Variants in ZGRF1 observed in about 807,000 individuals in gnomAD.
The protein encoded by ZGRF1 is 5'-3' DNA helicase ZGRF1.
ZGRF1 carries 196 observed loss-of-function variants against 203.5 expected under a neutral mutation model. The ratio of observed to expected loss-of-function variants is 0.96; its 90% CI spans 0.86 to 1.08. The LOEUF (loss-of-function observed/expected upper bound fraction) is 1.08. ZGRF1 is among the 50% of genes least tolerant of loss of function. The pLI is 0.00. For synonymous variants in ZGRF1, 809 were observed against 841.3 expected (o/e 0.96, Z 0.66); for missense variants, 2,326 against 2,416.3 (o/e 0.96, Z 0.78).
intron 24 of ZGRF1, among the ~76,000 whole-genome samples, chr4:112,546,250 G>C (rs1377245329): frequency 6.6e-6 from 1 of 151,970 alleles, no homozygotes. Context: ...AGAAGCTATA[G>C]GGAAGAGGAA....
intron 22 of ZGRF1, among the ~76,000 whole-genome samples, chr4:112,551,085 CT>C (rs1044276676): frequency 2.2e-4 from 34 of 152,282 alleles, no homozygotes; most frequent in African/African-American, 6.0e-4. Flanking sequence ...CCTTCCCTCC[CT>C]CCCTATACAG....
At chr4:112,600,320 G>A (rs7665050) in intron 10 of ZGRF1, among the ~76,000 whole-genome samples, 3 of 151,954 alleles carry the variant, frequency 2.0e-5, no homozygotes, top group Non-Finnish European at 4.4e-5. Flanking sequence ...AGGTGTGAGT[G>A]ACCTTGTCAT....
chr4:112,620,798 A>G (rs2047037121), intron 4 of ZGRF1, among the ~76,000 whole-genome samples: 1 of 151,506 alleles, frequency 6.6e-6, no homozygotes, highest in Non-Finnish European at 1.5e-5. Context: ...TAGGAGGTCA[A>G]GGCTGCAGTG....
At chr4:112,555,917 C>A (rs1268931564) in intron 20 of ZGRF1, among the ~76,000 whole-genome samples, 1 of 152,136 alleles carries the variant, frequency 6.6e-6, no homozygotes, top group African/African-American at 2.4e-5. Flanking sequence ...TACCCTCCCT[C>A]CTCATTCTAA....
Position 112,618,016 on chromosome 4 carries a change from C to A in ZGRF1, c.2026G>T (p.Ala676Ser). Reference protein sequence around the residue: ...IQEVRINYDFALPPNKSKGIN... With the variant: ...IQEVRINYDFSLPPNKSKGIN... Reference sequence around the variant, plus strand: ...CCTTTAGATTTATTCGGGGGTAAAGCAAAATCATAGTTAATTCTGACTTCT... The same window carrying A: ...CCTTTAGATTTATTCGGGGGTAAAGAAAAATCATAGTTAATTCTGACTTCT... Residue 676 changes from alanine (A) to serine (S), a missense_variant, in exon 6 of 28, where the codon GCT (alanine) becomes TCT (serine). Physicochemically the swap from Ala to Ser is moderately conservative, Grantham distance 99 (BLOSUM62 1). Transcript: ENST00000505019. 1 of 1,612,704 alleles carries A rather than the reference C, an allele frequency of 6.2e-7. No individual in the cohort carries two copies. Among genetic ancestry groups the A allele is most frequent in the Non-Finnish European group, 8.5e-7 (1 of 1,179,630 alleles).
At chr4:112,570,997 G>A (rs376679174) in intron 16 of ZGRF1, among the ~76,000 whole-genome samples, 24 of 152,026 alleles carry the variant, frequency 1.6e-4, no homozygotes, top group African/African-American at 5.8e-4. Context: ...CCAGCTACTC[G>A]GGAAGCTGAG....
Position 112,618,773 on chromosome 4 carries a change from T to C in ZGRF1, c.1269A>G (p.Glu423=), listed in dbSNP as rs1483820218. Residue 423 remains glutamate (E), a synonymous_variant, in exon 6 of 28, where the codon GAA becomes GAG. Coordinates refer to ENST00000505019, the MANE Select transcript of ZGRF1 (RefSeq NM_018392.5). ...CAGATTCTGATAATATACCATCATTTTCTGCACTGCTACAAGTAACCTGTA... is the reference window on the plus strand; with the variant it reads ...CAGATTCTGATAATATACCATCATTCTCTGCACTGCTACAAGTAACCTGTA... ...SSLQVTCSSA[E]NDGILSESDI... The C allele has an allele frequency of 1.2e-6, 2 of 1,611,886 alleles. 1 individual carries two copies. The highest frequency in any genetic ancestry group is 2.2e-5 in the South Asian group (2 of 91,020).
At chr4:112,589,567 T>A (rs1747800400) in intron 11 of ZGRF1, 157 bp downstream of exon 11, 1 of 641,938 alleles carries the variant, frequency 1.6e-6, no homozygotes, top group South Asian at 2.2e-5. Flanking sequence ...TAGCTATCTA[T>A]GATAGAAAAA....
intron 18 of ZGRF1, chr4:112,561,375 A>G (rs1265607327): frequency 5.6e-6 from 1 of 178,898 alleles, no homozygotes; most frequent in East Asian, 1.5e-4. Context: ...CCCATGCTCT[A>G]TTATACAAAC....
At chr4:112,595,738 C>A (rs1184850129) in intron 10 of ZGRF1, among the ~76,000 whole-genome samples, 1 of 152,128 alleles carries the variant, frequency 6.6e-6, no homozygotes, top group African/African-American at 2.4e-5. Flanking sequence ...CTTAACACTA[C>A]TGAACTGGTT....
At position 112,619,057 on chromosome 4, in the gene ZGRF1, T is replaced by C. The variant is rs1458258489; in HGVS notation, c.985A>G (p.Met329Val). Residue 329 changes from methionine to valine, a missense_variant, in exon 6 of 28, where the codon ATG (methionine) becomes GTG (valine). Physicochemically the swap from Met to Val is conservative, Grantham distance 21. Coordinates refer to ENST00000505019, the MANE Select transcript of ZGRF1 (RefSeq NM_018392.5). ...GGTGAACTCTGTGAGGATAAATACA[T>C]GGCCCACCGGCTTTTATTTCTCATG... ...NTMRNKSRWAMYLSSQSSPIH... is the reference protein window; with the variant it reads ...NTMRNKSRWAVYLSSQSSPIH... The C allele has an allele frequency of 5.0e-6, 8 of 1,613,932 alleles. No individual in the cohort carries two copies. Among genetic ancestry groups the C allele is most frequent in the South Asian group, 3.3e-5 (3 of 91,082 alleles).
chr4:112,620,651 G>A (rs180949546), intron 4 of ZGRF1, among the ~76,000 whole-genome samples: 1 of 152,242 alleles, frequency 6.6e-6, no homozygotes, highest in Admixed American at 6.5e-5. Context: ...TTGAAGCCAG[G>A]AGGTCAAGAC....
chr4:112,548,234 A>G lies in ZGRF1; in HGVS notation c.5474+19T>C. ...AGGATTACAGGTATTACCCCTGGGG[A>G]AAGAATCTTTTAGGTTACCTTGCAA... On this transcript the variant is annotated intron_variant, in intron 23 of 27. Transcript: ENST00000505019. The G allele has an allele frequency of 6.4e-7, 1 of 1,551,514 alleles. No homozygotes were observed. Among genetic ancestry groups the G allele is most frequent in the Non-Finnish European group, 8.7e-7 (1 of 1,146,652 alleles).
rs115431217 is a variant in ZGRF1, at chr4:112,554,833, A to G, written c.5121-51T>C. ...TCTGATTATTTAGGAAACAGAATAT[A>G]AAGTTTCATATAATAACTGTTACTA... On this transcript the variant is annotated intron_variant, in intron 20 of 27. Transcript: ENST00000505019. 1.4e-3 allele frequency: 1,401 copies of G among 972,518 alleles called. 14 individuals are homozygous for G. The African/African-American group carries it at 0.019, about 13-fold the overall frequency. 60.2% of individuals were successfully genotyped at this position (972,518 alleles called of 1,614,324 possible).
rs372243723 is a variant in ZGRF1 at position 112,554,709 on chromosome 4, A to C, written c.5194T>G (p.Tyr1732Asp). ...TCTGGAATTTTGCATTCTTACCTATAAGGTAAAATTGGTTTGGCAATCTTC... is the reference window on the plus strand; with the variant it reads ...TCTGGAATTTTGCATTCTTACCTATCAGGTAAAATTGGTTTGGCAATCTTC... ...VRKIAKPILPYSLHAGSENES... is the reference protein window; with the variant it reads ...VRKIAKPILPDSLHAGSENES... Residue 1732 changes from tyrosine to aspartate, a missense_variant, in exon 21 of 28, where the codon TAT (tyrosine) becomes GAT (aspartate). Tyr to Asp is a radical substitution (Grantham distance 160). Transcript: ENST00000505019. 1 of 1,503,248 alleles carries C rather than the reference A, an allele frequency of 6.7e-7. No homozygotes were observed. Among genetic ancestry groups the C allele is most frequent in the Non-Finnish European group, 9.1e-7 (1 of 1,103,208 alleles). The allele number at this position is 1,503,248 out of a possible 1,614,324, so 93.1% of individuals were successfully genotyped here.
intron 17 of ZGRF1, 27 bp from the exon 18 acceptor site, chr4:112,562,512 A>G: frequency 7.4e-7 from 1 of 1,346,828 alleles, no homozygotes; most frequent in Admixed American, 1.9e-5. Flanking sequence ...GAAAATAAAC[A>G]TTTGATGTAA....
chr4:112,631,597 G>A (rs1334876118), intron 3 of ZGRF1, among the ~76,000 whole-genome samples: 4 of 152,042 alleles, frequency 2.6e-5, no homozygotes, highest in East Asian at 1.9e-4. Flanking sequence ...GTTTGAACCC[G>A]GGAGGCAGAG....
chr4:112,623,033 A>C (rs1300959886), intron 4 of ZGRF1, among the ~76,000 whole-genome samples: 1 of 152,178 alleles, frequency 6.6e-6, no homozygotes, highest in Non-Finnish European at 1.5e-5. Flanking sequence ...ATGCATTCTC[A>C]TCATTTAGCT....
At chr4:112,566,890 T>C (rs1460878112) in intron 16 of ZGRF1, among the ~76,000 whole-genome samples, 1 of 150,916 alleles carries the variant, frequency 6.6e-6, no homozygotes, top group East Asian at 1.9e-4. Flanking sequence ...CTGGGACAAA[T>C]AGGGCCTACC....
Sources: allele counts gnomAD v4.1 joint callset (sites outside exome capture counted in the v4.1 genomes callset), GRCh38; gene constraint gnomAD v4.1.1; transcripts MANE v1.5; gene names NCBI Gene and HGNC (gene_info 2026-07-23, HGNC 2026-07-21).